Variants in GAK observed in about 807,000 individuals in gnomAD.
The protein encoded by GAK is cyclin-G-associated kinase.
GAK carries 79 observed loss-of-function variants against 143.9 expected under a neutral mutation model. That is an observed-to-expected ratio of 0.55 (90% CI 0.46 to 0.66). GAK has a LOEUF of 0.66. GAK is among the 30% of genes least tolerant of loss of function. The probability of loss-of-function intolerance (pLI) is 0.00; values close to 1 mark genes in which losing one functional copy is unlikely to be tolerated. For synonymous variants in GAK, 881 were observed against 765.5 expected (o/e 1.15, Z -2.49); for missense variants, 1,693 against 1,779.7 (o/e 0.95, Z 0.88).
chr4:930,001 A>G (rs1286081603), intron 1 of GAK, among the ~76,000 whole-genome samples: 1 of 152,218 alleles, frequency 6.6e-6, no homozygotes, highest in Non-Finnish European at 1.5e-5. Context: ...TTCTGGGAGT[A>G]TCCCACGATA....
chr4:858,031 C>G (rs1400103851), intron 24 of GAK, among the ~76,000 whole-genome samples: 2 of 152,168 alleles, frequency 1.3e-5, no homozygotes, highest in African/African-American at 4.8e-5. Context: ...GTTTTGTTCC[C>G]AAGTGTGAAG....
chr4:866,489 T>C lies in GAK; in HGVS notation c.2918A>G (p.Gln973Arg). The C allele has an allele frequency of 1.2e-6, 2 of 1,614,018 alleles. No homozygotes were observed. Among genetic ancestry groups the C allele is most frequent in the South Asian group, 1.1e-5 (1 of 91,066 alleles). The change falls in exon 22 of 28, where the codon CAG (glutamine) becomes CGG (arginine). Residue 973 changes from glutamine (Q) to arginine (R), a missense_variant. Gln to Arg is a conservative substitution (Grantham distance 43). This residue lies in a region of GAK where 822 missense variants were observed against 788.7 expected (regional missense o/e 1.04). Transcript: ENST00000314167. ...GAAGAGATCAGGATTGGAGCAGGGC[T>C]GGGAGTTGTTGCCTGAAGACGGCAG... ...PLLPSSGNNS[Q>R]PCSNPDLFGE...
chr4:902,175 C>T (rs1719988493), intron 5 of GAK, among the ~76,000 whole-genome samples: 2 of 150,996 alleles, frequency 1.3e-5, no homozygotes, highest in Admixed American at 1.3e-4. Context: ...GAGGCAGAGG[C>T]TGCATGAGCC....
At chr4:894,083 AG>A in intron 7 of GAK, 74 bp from the exon 8 acceptor site, 1 of 1,431,678 alleles carries the variant, frequency 7.0e-7, no homozygotes, top group South Asian at 1.5e-5. Context: ...CGGGGAGAGC[AG>A]GGGTGATGCC....
chr4:870,976 G>C, intron 18 of GAK, 72 bp from the exon 19 acceptor site: 1 of 1,344,142 alleles, frequency 7.4e-7, no homozygotes, highest in East Asian at 2.4e-5. Context: ...ATTCACTAAA[G>C]AAACGTGCAT....
In GAK at chr4:859,630, C is replaced by T; in HGVS notation, c.3259G>A (p.Gly1087Ser). 6.3e-7 allele frequency: 1 copy of T among 1,599,490 alleles called. No individual in the cohort carries two copies. Among genetic ancestry groups the T allele is most frequent in the Non-Finnish European group, 8.6e-7 (1 of 1,167,802 alleles). The change falls in exon 24 of 28, where the codon GGC (glycine) becomes AGC (serine). Residue 1087 changes from glycine to serine, a missense_variant. Gly to Ser is a moderately conservative substitution (Grantham distance 56). Around this residue, in one of 2 missense-constraint regions of GAK, gnomAD observed 822 missense variants for 788.7 expected, o/e 1.04. Coordinates refer to ENST00000314167, the MANE Select transcript of GAK (RefSeq NM_005255.4). ...CCTTGGAGGCCGGAGCTGAGGTCGC[C>T]AAGGTCAGCAAATGGGTCCGGGTTC... ...SQNPDPFADL[G>S]DLSSGLQGSP...
At chr4:862,386 C>G (rs1750450042) in intron 23 of GAK, among the ~76,000 whole-genome samples, 1 of 152,262 alleles carries the variant, frequency 6.6e-6, no homozygotes, top group South Asian at 2.1e-4. Flanking sequence ...GCTGAGATCA[C>G]TGATGATCTC....
chr4:913,852 A>C, intron 1 of GAK, 184 bp from the exon 2 acceptor site: 1 of 475,148 alleles, frequency 2.1e-6, no homozygotes. Context: ...ATGCCCCCAC[A>C]CACACAGCCC....
At chr4:900,364 G>A (rs1331223253) in intron 5 of GAK, among the ~76,000 whole-genome samples, 3 of 152,250 alleles carry the variant, frequency 2.0e-5, no homozygotes, top group East Asian at 1.9e-4. Flanking sequence ...GAACACACGC[G>A]GGCTGCAGGG....
chr4:895,058 G>A (rs1391424662), intron 7 of GAK, among the ~76,000 whole-genome samples: 5 of 152,176 alleles, frequency 3.3e-5, no homozygotes, highest in African/African-American at 1.2e-4. Flanking sequence ...CTCATGCACT[G>A]AAGATCTATG....
chr4:859,718 G>A lies in GAK; in HGVS notation c.3171C>T (p.Pro1057=). The A allele has an allele frequency of 6.3e-7, 1 of 1,587,392 alleles. No individual in the cohort carries two copies. Among genetic ancestry groups the A allele is most frequent in the Non-Finnish European group, 8.6e-7 (1 of 1,159,502 alleles). Residue 1057 remains proline, a synonymous_variant, in exon 24 of 28, where the codon CCC becomes CCT. Transcript: ENST00000314167. Reference sequence around the variant, plus strand: ...CCGGCTGACCTCCAGGAGAGAAGAGGGGGCCTGGAGAAGGGGCACAGGGCA... The same window carrying A: ...CCGGCTGACCTCCAGGAGAGAAGAGAGGGCCTGGAGAAGGGGCACAGGGCA... ...AVAPTPATEG[P]LFSPGGQPAP...
intron 27 of GAK, 51 bp from the exon 28 acceptor site, chr4:849,825 C>CGGGGGGGGGG: frequency 8.1e-7 from 1 of 1,229,762 alleles, no homozygotes; most frequent in Non-Finnish European, 1.1e-6. Flanking sequence ...CGGGGGCGGG[C>CGGGGGGGGGG]GGGGCAGGAC....
intron 17 of GAK, among the ~76,000 whole-genome samples, 164 bp from the exon 18 acceptor site, chr4:876,773 G>C (rs1264070246): frequency 6.6e-6 from 1 of 152,260 alleles, no homozygotes; most frequent in Non-Finnish European, 1.5e-5. Flanking sequence ...GAGAGGGTCT[G>C]TGTGTGGCAG....
In GAK at chr4:926,582, T is replaced by C. The variant is rs570664104; in HGVS notation, c.145+5461A>G. 3.9e-5 allele frequency among the ~76,000 whole-genome samples: 6 copies of C among 152,332 alleles called. No individual in the cohort carries two copies. The South Asian group carries it at 1.0e-3, about 26-fold the overall frequency. ...AATCCACATAAAGTACTACTGACCA[T>C]GCTCGGCAAATACGAAGAGCCCCTA... On this transcript the variant is annotated intron_variant, in intron 1 of 27. Coordinates refer to ENST00000314167, the MANE Select transcript of GAK (RefSeq NM_005255.4).
In GAK at chr4:922,514, C is replaced by CAAAAAAAAAA. The variant is rs35567795; in HGVS notation, c.146-8856_146-8847dup. 3.2e-5 allele frequency among the ~76,000 whole-genome samples: 2 copies of CAAAAAAAAAA among 62,926 alleles called. 1 individual carries two copies. Among genetic ancestry groups the CAAAAAAAAAA allele is most frequent in the Non-Finnish European group, 5.8e-5 (2 of 34,522 alleles). 41.3% of individuals were successfully genotyped at this position (62,926 alleles called of 152,430 possible). On this transcript the variant is annotated intron_variant, in intron 1 of 27. Coordinates refer to ENST00000314167, the MANE Select transcript of GAK (RefSeq NM_005255.4). ...TGGGTGACAGAGCGAGACTCCATCT[C>CAAAAAAAAAA]AAAAAAAAAAAAAAAAAAAAGGCAG... is the stretch of plus-strand genomic sequence containing the variant.
intron 3 of GAK, 71 bp downstream of exon 3, chr4:912,664 G>T: frequency 2.4e-6 from 3 of 1,233,392 alleles, no homozygotes; most frequent in South Asian, 1.3e-5. Context: ...GGCCACTGGC[G>T]GTCACAGCTT....
At chr4:877,478 C>A in intron 16 of GAK, 137 bp downstream of exon 16, 1 of 904,086 alleles carries the variant, frequency 1.1e-6, no homozygotes, top group Non-Finnish European at 1.6e-6. Flanking sequence ...TCCCAAGTGA[C>A]CTGCCACAGA....
chr4:930,321 C>T (rs1725449799), intron 1 of GAK, among the ~76,000 whole-genome samples: 1 of 152,124 alleles, frequency 6.6e-6, no homozygotes, highest in African/African-American at 2.4e-5. Flanking sequence ...TTATTTTTAT[C>T]TCCTGACTTG....
At chr4:876,948 A>G (rs1458942934) in intron 17 of GAK, 142 bp downstream of exon 17, 2 of 627,442 alleles carry the variant, frequency 3.2e-6, no homozygotes, top group Non-Finnish European at 5.7e-6. Context: ...GCTGTGGGGC[A>G]GTCGCCACAT....
Sources: allele counts gnomAD v4.1 joint callset (sites outside exome capture counted in the v4.1 genomes callset), GRCh38; gene constraint gnomAD v4.1.1; regional missense constraint gnomAD v4.1.1; transcripts MANE v1.5; gene names NCBI Gene and HGNC (gene_info 2026-07-23, HGNC 2026-07-21).